Variants in IL2RB observed in about 807,000 individuals in gnomAD.
The protein encoded by IL2RB is interleukin-2 receptor subunit beta.
In IL2RB, 17 loss-of-function variants were observed where a neutral mutation model predicts 44.2. The observed-to-expected ratio is 0.38, with a 90% CI of 0.26 to 0.58. IL2RB has a LOEUF of 0.58. Ranked by LOEUF, IL2RB falls within the 20% of genes least tolerant of loss-of-function variation. The pLI, the probability that IL2RB is intolerant of heterozygous loss-of-function variation, is 0.63. For synonymous variants in IL2RB, 286 were observed against 297.9 expected, an observed-to-expected ratio of 0.96 and a Z score of 0.41; for missense variants, 624 against 685.5, an observed-to-expected ratio of 0.91 and a Z score of 1.00.
intron 1 of IL2RB, chr22:37,161,647 C>G (rs901499064): frequency 1.3e-5 from 2 of 151,278 alleles, no homozygotes; most frequent in African/African-American, 4.9e-5. Flanking sequence ...AGACCACAGG[C>G]TGGGAAAGTG....
intron 1 of IL2RB, chr22:37,161,938 G>T (rs1922894636): frequency 6.6e-6 from 1 of 152,152 alleles, no homozygotes; most frequent in Non-Finnish European, 1.5e-5. Flanking sequence ...AATTCTCCAA[G>T]CCTCTCCAAG....
chr22:37,142,908 C>T (rs1321007472), intron 3 of IL2RB, among the ~76,000 whole-genome samples: 1 of 152,012 alleles, frequency 6.6e-6, no homozygotes, highest in Non-Finnish European at 1.5e-5. Context: ...CTGCCTTACC[C>T]CTCCATCTCC....
intron 1 of IL2RB, among the ~76,000 whole-genome samples, chr22:37,161,051 G>T (rs979379991): frequency 6.6e-6 from 1 of 152,210 alleles, no homozygotes; most frequent in African/African-American, 2.4e-5. Context: ...TGAGGCAGGA[G>T]AACTGCTTGA....
upstream of IL2RB, among the ~76,000 whole-genome samples, chr22:37,151,665 T>C (rs1922492688): frequency 1.3e-5 from 2 of 152,226 alleles, no homozygotes; most frequent in Non-Finnish European, 2.9e-5. Context: ...GTTTCCCCAA[T>C]GTTCCTTTTA....
At chr22:37,150,904 C>G (rs544829741), upstream of IL2RB, among the ~76,000 whole-genome samples, 15 of 152,310 alleles carry the variant, frequency 9.8e-5, 1 homozygote, top group Admixed American at 7.2e-4. Context: ...AAGACAGGAT[C>G]TCATTCTTTT....
chr22:37,139,117 G>T lies in IL2RB; in HGVS notation c.388C>A (p.Leu130Ile), dbSNP rs146185118. 5.6e-6 allele frequency: 9 copies of T among 1,604,304 alleles called. No individual in the cohort carries two copies. In the African/African-American group the frequency reaches 1.1e-4, roughly 19 times the overall value. The change falls in exon 5 of 10, where the codon CTT becomes ATT. Residue 130 changes from leucine to isoleucine, a missense_variant and splice_region_variant. This residue lies in a region of IL2RB where 255 missense variants were observed against 339.9 expected (regional missense o/e 0.75). Coordinates refer to ENST00000216223, the MANE Select transcript of IL2RB (RefSeq NM_000878.5). ...GCCCCACCCTGGCTTCCTCACTCAC[G>T]GTTCTCAAAGGGCTTGAAGTCCTGG... ...AIQDFKPFEN[L>I]RLMAPISLQV...
chr22:37,168,971 G>A (rs73408839), intron 1 of IL2RB, among the ~76,000 whole-genome samples: 5,181 of 151,384 alleles, frequency 0.034, 286 homozygotes, highest in African/African-American at 0.12. Flanking sequence ...AGGGGTTCTC[G>A]CTTACAGAGG....
At chr22:37,167,567 C>G (rs2046830081) in intron 1 of IL2RB, among the ~76,000 whole-genome samples, 1 of 152,230 alleles carries the variant, frequency 6.6e-6, no homozygotes, top group Admixed American at 6.5e-5. Context: ...AGTCTCCAAG[C>G]TCTTCCCTGC....
intron 4 of IL2RB, among the ~76,000 whole-genome samples, chr22:37,140,272 G>T (rs190864081): frequency 2.3e-3 from 351 of 149,440 alleles, no homozygotes; most frequent in African/African-American, 8.3e-3. Flanking sequence ...GATTTTCCCC[G>T]ATGATAGTAG....
chr22:37,131,955 C>T (rs915288222), intron 9 of IL2RB, among the ~76,000 whole-genome samples: 1 of 152,036 alleles, frequency 6.6e-6, no homozygotes, highest in Non-Finnish European at 1.5e-5. Flanking sequence ...AGGCTGGTCT[C>T]GAACTCCTGA....
At chr22:37,151,726 T>C (rs1277177529), upstream of IL2RB, among the ~76,000 whole-genome samples, 3 of 152,248 alleles carry the variant, frequency 2.0e-5, no homozygotes, top group Non-Finnish European at 4.4e-5. Flanking sequence ...CCATTTGGAT[T>C]TGATTTTTGT....
intron 1 of IL2RB, among the ~76,000 whole-genome samples, chr22:37,165,321 C>T (rs1261332229): frequency 1.3e-5 from 2 of 152,250 alleles, no homozygotes; most frequent in Admixed American, 6.5e-5. Flanking sequence ...GGCCGTGTGC[C>T]TCTGGCCTTC....
intron 1 of IL2RB, among the ~76,000 whole-genome samples, chr22:37,166,109 C>T (rs1423358962): frequency 2.0e-5 from 3 of 152,186 alleles, no homozygotes; most frequent in Admixed American, 6.5e-5. Context: ...GTGACCTCAC[C>T]GCCCATGCTC....
intron 7 of IL2RB, among the ~76,000 whole-genome samples, 178 bp downstream of exon 7, chr22:37,136,050 G>A (rs760720): frequency 2.0e-5 from 3 of 151,888 alleles, no homozygotes; most frequent in Non-Finnish European, 4.4e-5. Context: ...GGCAAGCCCC[G>A]TCCCCTCACT....
chr22:37,159,845 CTGGCG>C (rs1922799635), intron 1 of IL2RB, among the ~76,000 whole-genome samples: 1 of 152,238 alleles, frequency 6.6e-6, no homozygotes, highest in Non-Finnish European at 1.5e-5. Context: ...CTCAGGGGTG[CTGGCG>C]TGGGGGCCAC....
rs924090313 is a variant in IL2RB, at chr22:37,126,603, G to A, written c.*1493C>T. On this transcript the variant is annotated 3_prime_UTR_variant, in exon 10 of 10. Transcript: ENST00000216223. Reference sequence around the variant, plus strand: ...ACCCCCTCATAGGCTGCTGGTCAGAGCCTGTGGGGGCGTGTGGTCAGGTGC... The same window carrying A: ...ACCCCCTCATAGGCTGCTGGTCAGAACCTGTGGGGGCGTGTGGTCAGGTGC... The A allele has an allele frequency of 9.9e-5, 15 of 152,276 alleles. No homozygotes were observed. The highest frequency in any genetic ancestry group is 1.8e-4 in the Non-Finnish European group (12 of 68,080). 9.4% of individuals were successfully genotyped at this position (152,276 alleles called of 1,614,324 possible).
Position 37,128,173 on chromosome 22 carries a change from C to G in IL2RB, c.1579G>C (p.Ala527Pro). Reference protein sequence around the residue: ...PGQGEFRALNARLPLNTDAYL... With the variant: ...PGQGEFRALNPRLPLNTDAYL... ...GCATCAGTGTTCAGGGGCAGGCGAGCATTAAGGGCCCTGAACTCCCCCTGC... is the reference window on the plus strand; with the variant it reads ...GCATCAGTGTTCAGGGGCAGGCGAGGATTAAGGGCCCTGAACTCCCCCTGC... The change falls in exon 10 of 10, where the codon GCT (alanine) becomes CCT (proline). Residue 527 changes from alanine to proline, a missense_variant. Ala to Pro is a conservative substitution (Grantham distance 27). Around this residue, in one of 3 missense-constraint regions of IL2RB, gnomAD observed 291 missense variants for 275.5 expected, o/e 1.06. Transcript: ENST00000216223. This position sits in a 1 kb window ranked among gnomAD's most constrained non-coding sequence, Gnocchi z 4.5. 4 of 1,558,438 alleles carry G rather than the reference C, an allele frequency of 2.6e-6. No individual in the cohort carries two copies. The highest frequency in any genetic ancestry group is 3.5e-6 in the Non-Finnish European group (4 of 1,157,836).
At chr22:37,131,709 A>G (rs949725481) in intron 9 of IL2RB, among the ~76,000 whole-genome samples, 4 of 151,700 alleles carry the variant, frequency 2.6e-5, no homozygotes, top group Non-Finnish European at 5.9e-5. Context: ...TTCGTTCAGC[A>G]CACCGGCAAC....
In IL2RB at chr22:37,127,770, T is replaced by G; in HGVS notation, c.*326A>C. The G allele has an allele frequency of 4.6e-6, 1 of 215,450 alleles. No homozygotes were observed. Among genetic ancestry groups the G allele is most frequent in the Non-Finnish European group, 9.1e-6 (1 of 109,620 alleles). 13.3% of individuals were successfully genotyped at this position (215,450 alleles called of 1,614,324 possible). On this transcript the variant is annotated 3_prime_UTR_variant, in exon 10 of 10. Transcript: ENST00000216223. ...CCTGGAGAGCCGCGAGGACTGATAT[T>G]GGTGAATAGCTGCAGGGCTGGAGAG... is the stretch of plus-strand genomic sequence containing the variant.
Sources: gnomAD v4.1 joint callset for allele counts (sites outside exome capture counted in the v4.1 genomes callset) on GRCh38, gnomAD v4.1.1 for gene constraint, gnomAD v4.1.1 regional missense constraint, Gnocchi (gnomAD v3.1) non-coding constraint, MANE v1.5 for transcripts, NCBI Gene and HGNC (gene_info 2026-07-23, HGNC 2026-07-21) for gene names.